PPFIBP1: variants seen among roughly 807,000 people sequenced by gnomAD.
PPFIBP1 encodes liprin-beta-1.
PPFIBP1 carries 112 observed loss-of-function variants against 137.8 expected under a neutral mutation model. The observed-to-expected ratio is 0.81, with a 90% CI of 0.70 to 0.95. PPFIBP1 has a LOEUF of 0.95. PPFIBP1 is among the 40% of genes least tolerant of loss of function. The pLI is 0.00. For synonymous variants in PPFIBP1, 378 were observed against 417.3 expected, an observed-to-expected ratio of 0.91 and a Z score of 1.15; for missense variants, 1,083 against 1,196.6, an observed-to-expected ratio of 0.91 and a Z score of 1.40.
Position 27,613,662 on chromosome 12 carries a change from C to T in PPFIBP1, c.-35-19700C>T, listed in dbSNP as rs184339850. 9.4e-4 allele frequency among the ~76,000 whole-genome samples: 142 copies of T among 150,362 alleles called. 2 individuals are homozygous for T. The highest frequency in any genetic ancestry group is 1.5e-3 in the Non-Finnish European group (103 of 67,662). On this transcript the variant is annotated intron_variant, in intron 2 of 29. Transcript: ENST00000228425. The stretch of plus-strand genomic sequence containing the variant: ...AGGTTGCCATGAGCCCAGATCTCGC[C>T]ACTGCACTCCAGCCTGGGCAACAGA...
In PPFIBP1 at chr12:27,689,145, A is replaced by T. The variant is rs1202266812; in HGVS notation, c.2627A>T (p.Lys876Met). ...LLIGAEAQHQ[K>M]RDAMELPDYV... Reference sequence around the variant, plus strand: ...ATTGGGGCTGAGGCACAGCACCAGAAGCGAGATGCCATGGAGCTGCCGGAT... The same window carrying T: ...ATTGGGGCTGAGGCACAGCACCAGATGCGAGATGCCATGGAGCTGCCGGAT... Residue 876 changes from lysine to methionine, a missense_variant, in exon 27 of 30, where the codon AAG becomes ATG. By Grantham distance (95) the Lys-to-Met change is moderately conservative. Coordinates refer to ENST00000228425, the MANE Select transcript of PPFIBP1 (RefSeq NM_003622.4). 2 of 1,598,222 alleles carry T rather than the reference A, an allele frequency of 1.3e-6. No individual in the cohort carries two copies. Among genetic ancestry groups the T allele is most frequent in the South Asian group, 2.3e-5 (2 of 87,202 alleles).
intron 3 of PPFIBP1, 78 bp from the exon 4 acceptor site, chr12:27,634,832 C>T: frequency 1.7e-6 from 2 of 1,192,076 alleles, no homozygotes; most frequent in South Asian, 2.6e-5. Flanking sequence ...TGTGACTAGA[C>T]TGGTTTACCG....
Position 27,664,439 on chromosome 12 carries a change from T to TA in PPFIBP1, c.990dup (p.Gly331ArgfsTer7). 1 of 1,607,618 alleles carries TA rather than the reference T, an allele frequency of 6.2e-7. No homozygotes were observed. Among genetic ancestry groups the TA allele is most frequent in the Non-Finnish European group, 8.5e-7 (1 of 1,175,974 alleles). On this transcript the variant is annotated frameshift_variant, in exon 12 of 30. Transcript: ENST00000228425. LOFTEE classifies it high-confidence loss of function. The stretch of plus-strand genomic sequence containing the variant: ...AAGACACGGTGGTACTGGCCCAAGG[T>TA]AAAAAAGGTAGAGTGTAGCTCTAAA...
chr12:27,601,904 C>T (rs2054037060), intron 2 of PPFIBP1, among the ~76,000 whole-genome samples: 1 of 152,198 alleles, frequency 6.6e-6, no homozygotes, highest in Non-Finnish European at 1.5e-5. Context: ...GGCCAGTAGC[C>T]ACATGTGGCT....
At chr12:27,577,638 T>A (rs189115221) in intron 1 of PPFIBP1, among the ~76,000 whole-genome samples, 1 of 152,314 alleles carries the variant, frequency 6.6e-6, no homozygotes, top group African/African-American at 2.4e-5. Flanking sequence ...TATGAGTTAT[T>A]CAAGAGATAA....
intron 2 of PPFIBP1, among the ~76,000 whole-genome samples, chr12:27,624,651 A>G (rs1247158170): frequency 6.6e-6 from 1 of 152,240 alleles, no homozygotes; most frequent in African/African-American, 2.4e-5. Flanking sequence ...AGTGAACAAG[A>G]GAAGTAACTT....
At chr12:27,580,924 T>C (rs1344417176) in intron 2 of PPFIBP1, among the ~76,000 whole-genome samples, 1 of 152,234 alleles carries the variant, frequency 6.6e-6, no homozygotes, top group African/African-American at 2.4e-5. Flanking sequence ...TTTTTTTTCT[T>C]TTAAGAGACA....
intron 21 of PPFIBP1, among the ~76,000 whole-genome samples, chr12:27,680,959 G>T (rs1467279617): frequency 6.6e-6 from 1 of 152,064 alleles, no homozygotes; most frequent in African/African-American, 2.4e-5. Context: ...GCCATATGTT[G>T]TCTTTGAACA....
At chr12:27,556,396 G>A (rs1028857545) in intron 1 of PPFIBP1, among the ~76,000 whole-genome samples, 3 of 152,176 alleles carry the variant, frequency 2.0e-5, no homozygotes, top group African/African-American at 7.2e-5. Context: ...CCAGTTTCAG[G>A]CGTCACACCA....
intron 2 of PPFIBP1, among the ~76,000 whole-genome samples, chr12:27,630,919 A>G (rs74074036): frequency 0.025 from 3,850 of 152,132 alleles, 160 homozygotes; most frequent in African/African-American, 0.087. Context: ...TCTTTCTCCT[A>G]TGTGTCCATT....
At chr12:27,689,883 T>C (rs11834337) in intron 27 of PPFIBP1, among the ~76,000 whole-genome samples, 15,117 of 152,216 alleles carry the variant, frequency 0.099, 2,491 homozygotes, top group African/African-American at 0.34. Context: ...CTCCTTTACC[T>C]TCTTCCCCTC....
At chr12:27,591,299 G>A (rs376166448) in intron 2 of PPFIBP1, among the ~76,000 whole-genome samples, 9 of 152,192 alleles carry the variant, frequency 5.9e-5, no homozygotes, top group East Asian at 1.9e-4. Context: ...GAAGGAGGAC[G>A]TTGAGTGAAC....
rs2140710830 is a variant in PPFIBP1 at position 27,695,007 on chromosome 12, A to G, written c.*2125A>G. On this transcript the variant is annotated 3_prime_UTR_variant, in exon 30 of 30. Coordinates refer to ENST00000228425, the MANE Select transcript of PPFIBP1 (RefSeq NM_003622.4). ...CTACCATTCATTATGTGGTAACTGT[A>G]TTGAACTTACTTTATTTGGATTTTA... 6.6e-6 allele frequency: 1 copy of G among 152,294 alleles called. No individual in the cohort carries two copies. Among genetic ancestry groups the G allele is most frequent in the South Asian group, 2.1e-4 (1 of 4,834 alleles). 9.4% of individuals were successfully genotyped at this position (152,294 alleles called of 1,614,324 possible).
chr12:27,647,149 A>C (rs541622947), intron 5 of PPFIBP1, among the ~76,000 whole-genome samples: 2 of 152,210 alleles, frequency 1.3e-5, no homozygotes, highest in South Asian at 4.2e-4. Flanking sequence ...TTACAGGCAC[A>C]TGCCCCCACA....
intron 1 of PPFIBP1, among the ~76,000 whole-genome samples, chr12:27,532,935 C>T (rs1333606289): frequency 6.6e-6 from 1 of 152,046 alleles, no homozygotes; most frequent in Non-Finnish European, 1.5e-5. Context: ...TTGGGTATTT[C>T]TAGTGGGTAT....
chr12:27,589,253 C>G (rs1254087651), intron 2 of PPFIBP1, among the ~76,000 whole-genome samples: 2 of 152,184 alleles, frequency 1.3e-5, no homozygotes, highest in Admixed American at 6.5e-5. Flanking sequence ...AGGAAATCGT[C>G]TATAACTTGC....
chr12:27,623,252 G>A (rs1232210889), intron 2 of PPFIBP1, among the ~76,000 whole-genome samples: 1 of 152,164 alleles, frequency 6.6e-6, no homozygotes, highest in East Asian at 1.9e-4. Flanking sequence ...TAATACTGGG[G>A]ACTAAGTTTG....
chr12:27,664,308 C>T (rs1380968216), intron 11 of PPFIBP1, 54 bp from the exon 12 acceptor site: 1 of 1,147,984 alleles, frequency 8.7e-7, no homozygotes, highest in Non-Finnish European at 1.3e-6. Context: ...TATGGAATTA[C>T]TATTACTCTT....
intron 4 of PPFIBP1, among the ~76,000 whole-genome samples, chr12:27,638,190 T>A (rs116609665): frequency 2.0e-5 from 3 of 152,128 alleles, no homozygotes; most frequent in Admixed American, 2.0e-4. Context: ...ACTGTACACT[T>A]TAAAATGGTT....
Sources: gnomAD v4.1 joint callset for allele counts (sites outside exome capture counted in the v4.1 genomes callset) on GRCh38, gnomAD v4.1.1 for gene constraint, MANE v1.5 for transcripts, NCBI Gene and HGNC (gene_info 2026-07-23, HGNC 2026-07-21) for gene names.